Variants in ABR observed in about 807,000 individuals in gnomAD.
ABR encodes the protein ABR activator of RhoGEF and GTPase.
A neutral mutation model predicts 107.2 loss-of-function variants in ABR; 35 were observed. The observed-to-expected ratio is 0.33, with a 90% CI of 0.25 to 0.43. The LOEUF (loss-of-function observed/expected upper bound fraction) is 0.43, where lower values mean the gene tolerates loss of function less well. Among genes scored for constraint, ABR ranks in the 20% least tolerant of loss-of-function variants. ABR has a pLI of 1.00. For synonymous variants in ABR, 498 were observed against 462.0 expected, an observed-to-expected ratio of 1.08 and a Z score of -1.00; for missense variants, 815 against 1,115.2, an observed-to-expected ratio of 0.73 and a Z score of 3.83.
rs148570528 is a variant in ABR, at chr17:1,229,412, C to G, written c.219G>C (p.Glu73Asp). Among the ~76,000 whole-genome samples, 40,040 of 147,438 alleles carry G rather than the reference C, an allele frequency of 0.27. 5,684 individuals are homozygous for G. The highest frequency in any genetic ancestry group is 0.34 in the African/African-American group (13,035 of 38,148). Reference sequence around the variant, plus strand: ...CGGCCTCGGGGTCGGGGCGCCCGGGCTCCCCGGAGTCTCCGCCGCCGCCCC... The same window carrying G: ...CGGCCTCGGGGTCGGGGCGCCCGGGGTCCCCGGAGTCTCCGCCGCCGCCCC... Residue 73 changes from glutamate (E) to aspartate (D), a missense_variant, in exon 1 of 23, where the codon GAG (glutamate) becomes GAC (aspartate). Glu to Asp is a conservative substitution (Grantham distance 45). Coordinates refer to the ABR transcript ENST00000574139.
At chr17:1,105,371 A>G (rs1467592913) in intron 2 of ABR, among the ~76,000 whole-genome samples, 1 of 152,206 alleles carries the variant, frequency 6.6e-6, no homozygotes, top group Admixed American at 6.5e-5. Context: ...TGTACAGGTC[A>G]TATTTTTTCT....
chr17:1,155,883 A>T (rs2041017574), intron 1 of ABR: 1 of 140,582 alleles, frequency 7.1e-6, no homozygotes, highest in African/African-American at 2.7e-5. Context: ...AAAATCCAGG[A>T]GGCGGAGGTT....
chr17:1,102,875 A>G (rs1375833582), intron 2 of ABR, among the ~76,000 whole-genome samples: 1 of 151,556 alleles, frequency 6.6e-6, no homozygotes, highest in Non-Finnish European at 1.5e-5. Context: ...CACACCCACT[A>G]ATTTTTGTAT....
In ABR at chr17:1,091,864, A is replaced by G. The variant is rs1474560957; in HGVS notation, c.346-14T>C. 2 of 1,609,074 alleles carry G rather than the reference A, an allele frequency of 1.2e-6. No individual in the cohort carries two copies. Among genetic ancestry groups the G allele is most frequent in the Non-Finnish European group, 8.5e-7 (1 of 1,177,276 alleles). On this transcript the variant is annotated splice_polypyrimidine_tract_variant and intron_variant, in intron 3 of 22. Coordinates refer to ENST00000302538, the MANE Select transcript of ABR (RefSeq NM_021962.5). The stretch of plus-strand genomic sequence containing the variant: ...GGGTTTCATGGGCTGGGAGAAACAG[A>G]GGAAGAAAGAGCAGAGGTCGGGGGT...
At chr17:1,183,690 C>G (rs1043537932), upstream of ABR, among the ~76,000 whole-genome samples, 3 of 152,116 alleles carry the variant, frequency 2.0e-5, no homozygotes, top group Admixed American at 2.0e-4. Flanking sequence ...GACAGGAAGG[C>G]CCCAGGAGTC....
intron 17 of ABR, 43 bp from the exon 18 acceptor site, chr17:1,012,840 G>T: frequency 6.7e-7 from 1 of 1,493,720 alleles, no homozygotes; most frequent in Non-Finnish European, 9.1e-7. Flanking sequence ...CAGGGTGTGA[G>T]TGCCCGAGGA....
intron 16 of ABR, chr17:1,031,881 T>TCCCTCCCTCCCCGCGCTC: frequency 1.2e-6 from 1 of 849,170 alleles, no homozygotes; most frequent in Non-Finnish European, 1.4e-6. Context: ...CGCGCTCCCC[T>TCCCTCCCTCCCCGCGCTC]CCCTCCCTCC....
chr17:1,210,184 C>T lies in ABR; in HGVS notation c.838+18609G>A, dbSNP rs2042874565. Among the ~76,000 whole-genome samples the T allele has an allele frequency of 6.6e-6, 1 of 152,178 alleles. No homozygotes were observed. The highest frequency in any genetic ancestry group is 1.5e-5 in the Non-Finnish European group (1 of 68,024). On this transcript the variant is annotated intron_variant, in intron 1 of 22. Coordinates refer to the ABR transcript ENST00000574139. The surrounding 1 kb of genome is among the most constrained non-coding windows in gnomAD (Gnocchi z 5.6). ...GAAGCTCAGCCCAGCTGTGTTGGTA[C>T]TGTGGGGGCTGTCACTTTTTACCTG...
At position 1,200,587 on chromosome 17, in the gene ABR, C is replaced by T. The variant is rs1020384230; in HGVS notation, c.838+28206G>A. ...TTTCTCAGCCTGATCTTTGGCCAGT[C>T]CAGCTTCATTTTCTCCCCTCCTCCC... On this transcript the variant is annotated intron_variant, in intron 1 of 22. Transcript: ENST00000574139. This position sits in a 1 kb window ranked among gnomAD's most constrained non-coding sequence, Gnocchi z 4.1. Among the ~76,000 whole-genome samples, 2 of 151,946 alleles carry T rather than the reference C, an allele frequency of 1.3e-5. No individual in the cohort carries two copies. The highest frequency in any genetic ancestry group is 4.8e-5 in the African/African-American group (2 of 41,374).
Position 1,005,413 on chromosome 17 carries a change from C to T in ABR, c.*667G>A. On this transcript the variant is annotated 3_prime_UTR_variant, in exon 23 of 23. Transcript: ENST00000302538. The stretch of plus-strand genomic sequence containing the variant: ...AGTGTGTCTGCTTGTCCAACATTTG[C>T]ACAGGCAGCAAGGCAAAGCAGGTGT... 2.8e-6 allele frequency: 1 copy of T among 356,444 alleles called. No individual in the cohort carries two copies. The highest frequency in any genetic ancestry group is 5.0e-6 in the Non-Finnish European group (1 of 199,618). 22.1% of individuals were successfully genotyped at this position (356,444 alleles called of 1,614,324 possible).
At chr17:1,199,534 C>T (rs2042634029) in intron 1 of ABR, among the ~76,000 whole-genome samples, 1 of 151,352 alleles carries the variant, frequency 6.6e-6, no homozygotes. Context: ...CCGCAGCCTC[C>T]CCCTCCCGGG....
In ABR at chr17:1,084,127, C is replaced by T. The variant is rs2036442334; in HGVS notation, c.532-500G>A. Among the ~76,000 whole-genome samples, 1 of 152,206 alleles carries T rather than the reference C, an allele frequency of 6.6e-6. No individual in the cohort carries two copies. The highest frequency in any genetic ancestry group is 6.5e-5 in the Admixed American group (1 of 15,290). Reference sequence around the variant, plus strand: ...GTGCTGTCTTGGCCGGGCGTGGCGGCTCACGCCTGTAACCCCAGCACTTTG... The same window carrying T: ...GTGCTGTCTTGGCCGGGCGTGGCGGTTCACGCCTGTAACCCCAGCACTTTG... On this transcript the variant is annotated intron_variant, in intron 4 of 22. Coordinates refer to ENST00000302538, the MANE Select transcript of ABR (RefSeq NM_021962.5). This position sits in a 1 kb window ranked among gnomAD's most constrained non-coding sequence, Gnocchi z 4.2.
At chr17:1,056,949 C>T in intron 13 of ABR, 49 bp downstream of exon 13, 1 of 1,379,740 alleles carries the variant, frequency 7.2e-7, no homozygotes, top group Non-Finnish European at 1.0e-6. Flanking sequence ...CGGCCACGCT[C>T]TGAGGGCTGG....
intron 2 of ABR, among the ~76,000 whole-genome samples, chr17:1,124,489 C>G (rs1026015716): frequency 6.6e-6 from 1 of 152,256 alleles, no homozygotes; most frequent in Non-Finnish European, 1.5e-5. Flanking sequence ...GTTCATGTGT[C>G]TCCGACAGGC....
intron 16 of ABR, among the ~76,000 whole-genome samples, chr17:1,036,669 G>A (rs891058255): frequency 2.6e-5 from 4 of 152,054 alleles, no homozygotes; most frequent in Non-Finnish European, 4.4e-5. Context: ...CGAGTTGGGC[G>A]GGAGGATGGC....
chr17:1,123,418 TGCCCCGAA>T (rs1016789833), intron 2 of ABR, among the ~76,000 whole-genome samples: 3 of 152,182 alleles, frequency 2.0e-5, no homozygotes, highest in Non-Finnish European at 4.4e-5. Context: ...AGTCAAGTTC[TGCCCCGAA>T]GCCCCGGAGC....
At chr17:1,117,909 C>T (rs1483386826) in intron 2 of ABR, among the ~76,000 whole-genome samples, 4 of 95,452 alleles carry the variant, frequency 4.2e-5, no homozygotes, top group South Asian at 6.5e-4. Flanking sequence ...TTCCTCCCAG[C>T]GTTATCCCTG....
intron 2 of ABR, among the ~76,000 whole-genome samples, chr17:1,117,874 T>C (rs1382961129): frequency 2.0e-3 from 38 of 18,558 alleles, no homozygotes; most frequent in Non-Finnish European, 2.2e-3. Context: ...CCTGAGTCCC[T>C]CCCAGCGTTA....
Position 1,200,673 on chromosome 17 carries a change from T to C in ABR, c.838+28120A>G, listed in dbSNP as rs2150716640. Among the ~76,000 whole-genome samples the C allele has an allele frequency of 6.6e-6, 1 of 152,254 alleles. No individual in the cohort carries two copies. Among genetic ancestry groups the C allele is most frequent in the East Asian group, 1.9e-4 (1 of 5,174 alleles). On this transcript the variant is annotated intron_variant, in intron 1 of 22. Transcript: ENST00000574139. This position sits in a 1 kb window ranked among gnomAD's most constrained non-coding sequence, Gnocchi z 4.1. ...CTATGACCTCACTTTATTCGGGGCC[T>C]CCGTGGTGCAGACACAAAGATGGAT...
Sources: allele counts gnomAD v4.1 joint callset (sites outside exome capture counted in the v4.1 genomes callset), GRCh38; gene constraint gnomAD v4.1.1; non-coding constraint Gnocchi (gnomAD v3.1); transcripts MANE v1.5; gene names NCBI Gene and HGNC (gene_info 2026-07-23, HGNC 2026-07-21).